UBE3D: variants seen among roughly 807,000 people sequenced by gnomAD.
UBE3D encodes ubiquitin protein ligase E3D, also known as E3 ubiquitin-protein ligase E3D.
A neutral mutation model predicts 49.6 loss-of-function variants in UBE3D; 48 were observed. The observed-to-expected ratio is 0.97, with a 90% CI of 0.77 to 1.23. The LOEUF (loss-of-function observed/expected upper bound fraction) is 1.23, where lower values mean the gene tolerates loss of function less well. UBE3D is among the 50% of genes most tolerant of loss of function. UBE3D has a pLI of 0.00. For missense variants in UBE3D, 452 were observed against 468.4 expected (o/e 0.96, Z 0.32); for synonymous variants, 189 against 174.2 (o/e 1.08, Z -0.67).
intron 2 of UBE3D, among the ~76,000 whole-genome samples, chr6:83,054,674 T>G (rs1031684725): frequency 6.6e-6 from 1 of 151,958 alleles, no homozygotes; most frequent in African/African-American, 2.4e-5. Context: ...TTTTTTGAGA[T>G]GGAGTCTTGT....
chr6:83,042,083 G>C lies in UBE3D; in HGVS notation c.597+2345C>G, dbSNP rs543712579. Among the ~76,000 whole-genome samples the C allele has an allele frequency of 4.6e-3, 702 of 152,054 alleles. 4 individuals are homozygous for C. Among genetic ancestry groups the C allele is most frequent in the Non-Finnish European group, 7.0e-3 (477 of 67,970 alleles). The stretch of plus-strand genomic sequence containing the variant: ...CGCCACCACACCCGGCTAATTTTTT[G>C]TAGTTTAGGAGAGACAGGGTTTCAC... On this transcript the variant is annotated intron_variant, in intron 4 of 9. Coordinates refer to ENST00000369747, the MANE Select transcript of UBE3D (RefSeq NM_198920.3).
chr6:83,011,241 A>G (rs2127759177), intron 8 of UBE3D, among the ~76,000 whole-genome samples: 1 of 152,346 alleles, frequency 6.6e-6, no homozygotes, highest in South Asian at 2.1e-4. Flanking sequence ...TACATGCACA[A>G]ACGTGTTTTT....
intron 1 of UBE3D, among the ~76,000 whole-genome samples, chr6:83,064,055 A>G (rs1472033221): frequency 6.6e-6 from 1 of 152,238 alleles, no homozygotes; most frequent in Non-Finnish European, 1.5e-5. Flanking sequence ...AGCAAGAAAA[A>G]GGAATGGACT....
intron 8 of UBE3D, chr6:83,018,564 C>T (rs1364001149): frequency 1.7e-5 from 3 of 174,244 alleles, no homozygotes; most frequent in East Asian, 1.8e-4. Flanking sequence ...TAGTAAGAGA[C>T]GTAAGAATCT....
chr6:82,943,668 G>C (rs1321893565), intron 9 of UBE3D, among the ~76,000 whole-genome samples: 1 of 151,900 alleles, frequency 6.6e-6, no homozygotes, highest in Non-Finnish European at 1.5e-5. Flanking sequence ...TACAAAAAAA[G>C]AACTAAAAAT....
intron 9 of UBE3D, among the ~76,000 whole-genome samples, chr6:82,918,771 A>C (rs1432445239): frequency 6.6e-6 from 1 of 151,692 alleles, no homozygotes; most frequent in East Asian, 1.9e-4. Flanking sequence ...AAGGAACTGA[A>C]ACTCACCAGA....
chr6:82,887,802 A>G (rs1770916622), downstream of UBE3D, among the ~76,000 whole-genome samples: 1 of 152,118 alleles, frequency 6.6e-6, no homozygotes, highest in Admixed American at 6.5e-5. Context: ...AATGATGACT[A>G]ATTTTGTTAC....
At chr6:82,952,838 A>T (rs918495917) in intron 9 of UBE3D, among the ~76,000 whole-genome samples, 3 of 152,180 alleles carry the variant, frequency 2.0e-5, no homozygotes, top group Admixed American at 1.3e-4. Context: ...TCAACTTAAC[A>T]TTCTTGGGTA....
intron 8 of UBE3D, among the ~76,000 whole-genome samples, chr6:82,969,562 C>A (rs1777197873): frequency 6.6e-6 from 1 of 152,074 alleles, no homozygotes; most frequent in Admixed American, 6.6e-5. Context: ...GAGTCAAGAT[C>A]ATCCCACTGC....
the UBE3D span, among the ~76,000 whole-genome samples, chr6:82,881,242 T>C: frequency 6.6e-6 from 1 of 152,278 alleles, no homozygotes; most frequent in South Asian, 2.1e-4. Flanking sequence ...TTGGAAAATT[T>C]TCTAGCCAGC....
intron 9 of UBE3D, among the ~76,000 whole-genome samples, chr6:82,925,830 A>G (rs1246893949): frequency 2.0e-5 from 3 of 152,082 alleles, no homozygotes; most frequent in African/African-American, 7.2e-5. Flanking sequence ...AAATTACCAA[A>G]ATATTAAATA....
intron 9 of UBE3D, among the ~76,000 whole-genome samples, chr6:82,901,706 T>C (rs944998497): frequency 6.6e-6 from 1 of 152,224 alleles, no homozygotes; most frequent in East Asian, 1.9e-4. Context: ...TCAAAGGTGC[T>C]GATTTGGGTG....
At chr6:83,061,167 A>C (rs1171956865) in intron 1 of UBE3D, among the ~76,000 whole-genome samples, 1 of 152,232 alleles carries the variant, frequency 6.6e-6, no homozygotes. Context: ...AAGAAACATA[A>C]GACAAATCCA....
Position 83,065,702 on chromosome 6 carries a change from G to A in UBE3D, c.17C>T (p.Ala6Val). ...CACCTCCAGAAACACGCGCGTCTCC[G>A]CCGCAGAAGCCGCCATGGCAGGCTT... MAASA[A>V]ETRVFLEVRG... is the part of the protein sequence containing the mutation. Residue 6 changes from alanine (A) to valine (V), a missense_variant, in exon 1 of 10, where the codon GCG (alanine) becomes GTG (valine). Coordinates refer to ENST00000369747, the MANE Select transcript of UBE3D (RefSeq NM_198920.3). The A allele has an allele frequency of 1.2e-6, 2 of 1,610,734 alleles. No individual in the cohort carries two copies. Among genetic ancestry groups the A allele is most frequent in the South Asian group, 1.1e-5 (1 of 90,660 alleles).
At chr6:82,980,342 G>C (rs1351960767) in intron 8 of UBE3D, among the ~76,000 whole-genome samples, 1 of 152,034 alleles carries the variant, frequency 6.6e-6, no homozygotes, top group Non-Finnish European at 1.5e-5. Context: ...GATTAGTGAT[G>C]TTAAGTATTT....
downstream of UBE3D, among the ~76,000 whole-genome samples, chr6:82,888,019 C>G (rs1418075906): frequency 6.6e-6 from 1 of 152,038 alleles, no homozygotes; most frequent in African/African-American, 2.4e-5. Context: ...TCCTTTTCAC[C>G]AAAGACTGGT....
chr6:83,064,567 C>T lies in UBE3D; in HGVS notation c.77+1075G>A, dbSNP rs1433426050. Among the ~76,000 whole-genome samples the T allele has an allele frequency of 1.3e-5, 2 of 151,836 alleles. 1 individual carries two copies. Among genetic ancestry groups the T allele is most frequent in the Non-Finnish European group, 2.9e-5 (2 of 67,962 alleles). On this transcript the variant is annotated intron_variant, in intron 1 of 9. Coordinates refer to ENST00000369747, the MANE Select transcript of UBE3D (RefSeq NM_198920.3). ...GTAGTCCAAGGGAACTGTGAAAGGC[C>T]CCTGCATGAGAGGAAGGGAGGGTTT...
intron 5 of UBE3D, among the ~76,000 whole-genome samples, chr6:83,029,061 G>T (rs1395407001): frequency 4.6e-5 from 7 of 152,146 alleles, no homozygotes. Flanking sequence ...TCTTTCAACA[G>T]ATTGACGACA....
chr6:82,925,476 C>T (rs796988710), intron 9 of UBE3D, among the ~76,000 whole-genome samples: 7 of 152,230 alleles, frequency 4.6e-5, no homozygotes, highest in East Asian at 3.9e-4. Context: ...ATTAGACACT[C>T]GGCTCAGGAT....
Sources: allele counts gnomAD v4.1 joint callset (sites outside exome capture counted in the v4.1 genomes callset), GRCh38; gene constraint gnomAD v4.1.1; transcripts MANE v1.5; gene names NCBI Gene and HGNC (gene_info 2026-07-23, HGNC 2026-07-21).